RFTN1: variants seen among roughly 807,000 people sequenced by gnomAD.
RFTN1 encodes raftlin.
RFTN1 carries 26 observed loss-of-function variants against 46.5 expected under a neutral mutation model. The observed-to-expected ratio is 0.56, with a 90% CI of 0.41 to 0.78. The LOEUF (loss-of-function observed/expected upper bound fraction) is 0.78, where lower values mean the gene tolerates loss of function less well. Among genes scored for constraint, RFTN1 ranks in the 30% least tolerant of loss-of-function variants. The pLI is 0.00. For synonymous variants in RFTN1, 261 were observed against 284.2 expected (o/e 0.92, Z 0.82); for missense variants, 693 against 718.7 (o/e 0.96, Z 0.41).
chr3:16,317,843 A>G lies in RFTN1; in HGVS notation c.1333-611T>C, dbSNP rs988228472. 1.3e-5 allele frequency among the ~76,000 whole-genome samples: 2 copies of G among 152,196 alleles called. No individual in the cohort carries two copies. The highest frequency in any genetic ancestry group is 2.1e-4 in the South Asian group (1 of 4,832). ...GCAACCTACAACCAATGACTGCCCC[A>G]GGTGGGATACAACAACCCATTTCCT... On this transcript the variant is annotated intron_variant, in intron 9 of 9. Transcript: ENST00000334133. This position sits in a 1 kb window ranked among gnomAD's most constrained non-coding sequence, Gnocchi z 4.3.
chr3:16,419,284 A>T (rs879185314), intron 3 of RFTN1, among the ~76,000 whole-genome samples: 1 of 152,138 alleles, frequency 6.6e-6, no homozygotes, highest in Non-Finnish European at 1.5e-5. Context: ...GTGGGAAACA[A>T]AGTTACTGAG....
intron 6 of RFTN1, among the ~76,000 whole-genome samples, chr3:16,362,919 G>T (rs988369142): frequency 1.3e-5 from 2 of 152,110 alleles, no homozygotes; most frequent in African/African-American, 4.8e-5. Context: ...TCACAGGCCT[G>T]GGAAGGGGGC....
chr3:16,453,022 G>A (rs2075846086), intron 2 of RFTN1, among the ~76,000 whole-genome samples: 1 of 152,136 alleles, frequency 6.6e-6, no homozygotes, highest in African/African-American at 2.4e-5. Flanking sequence ...ACCTTCCATT[G>A]GACATATATT....
intron 4 of RFTN1, among the ~76,000 whole-genome samples, chr3:16,386,167 C>T (rs1405690754): frequency 1.3e-5 from 2 of 151,634 alleles, no homozygotes; most frequent in Admixed American, 6.6e-5. Context: ...ACCTTACCCA[C>T]AGGTAAAATC....
intron 2 of RFTN1, among the ~76,000 whole-genome samples, chr3:16,455,208 G>A (rs1259641660): frequency 6.6e-6 from 1 of 152,228 alleles, no homozygotes; most frequent in Non-Finnish European, 1.5e-5. Context: ...TTTAGGTGGC[G>A]TGTGTTTGTG....
In RFTN1 at chr3:16,407,359, C is replaced by CTT. The variant is rs35520854; in HGVS notation, c.441+2014_441+2015dup. On this transcript the variant is annotated intron_variant, in intron 4 of 9. Coordinates refer to ENST00000334133, the MANE Select transcript of RFTN1 (RefSeq NM_015150.2). The surrounding 1 kb of genome is among the most constrained non-coding windows in gnomAD (Gnocchi z 4.0). Reference sequence around the variant, plus strand: ...CACCATGCTCGGCTTTTTAAAGAGACTTTTTTTTTTTTGGCAGAGATGGAG... The same window carrying CTT: ...CACCATGCTCGGCTTTTTAAAGAGACTTTTTTTTTTTTTTGGCAGAGATGGAG... Among the ~76,000 whole-genome samples, 194 of 145,232 alleles carry CTT rather than the reference C, an allele frequency of 1.3e-3. No homozygotes were observed. The highest frequency in any genetic ancestry group is 3.5e-3 in the Middle Eastern group (1 of 284).
chr3:16,356,198 C>T lies in RFTN1; in HGVS notation c.1146+1734G>A, dbSNP rs2072424533. The stretch of plus-strand genomic sequence containing the variant: ...AGAGGTGACAGGACCTGCCCACACT[C>T]GCTTGGCATCTTGGACTGAGCTTTA... On this transcript the variant is annotated intron_variant, in intron 7 of 9. Transcript: ENST00000334133. The surrounding 1 kb of genome is among the most constrained non-coding windows in gnomAD (Gnocchi z 4.9). 1.3e-5 allele frequency among the ~76,000 whole-genome samples: 2 copies of T among 152,206 alleles called. No individual in the cohort carries two copies. The highest frequency in any genetic ancestry group is 2.1e-4 in the South Asian group (1 of 4,832).
chr3:16,507,802 C>T lies in RFTN1; in HGVS notation c.-9+5640G>A, dbSNP rs76366598. Among the ~76,000 whole-genome samples the T allele has an allele frequency of 0.051, 7,613 of 147,886 alleles. 383 individuals are homozygous for T. Among genetic ancestry groups the T allele is most frequent in the East Asian group, 0.24 (1,218 of 5,004 alleles). On this transcript the variant is annotated intron_variant, in intron 1 of 9. Coordinates refer to ENST00000334133, the MANE Select transcript of RFTN1 (RefSeq NM_015150.2). The surrounding 1 kb of genome is among the most constrained non-coding windows in gnomAD (Gnocchi z 7.1). ...ACACTCACATACACACAAACACACA[C>T]AAACGCACATACATACATACATACA...
rs1312306031 is a variant in RFTN1 at position 16,317,190 on chromosome 3, T to C, written c.1375A>G (p.Met459Val). Reference protein sequence around the residue: ...FSREEMHNRQMRKSKGKLSAR... With the variant: ...FSREEMHNRQVRKSKGKLSAR... Reference sequence around the variant, plus strand: ...CTGAGTTTACCTTTTGATTTCCTCATCTGCCTGTTGTGCATTTCTTCTCTG... The same window carrying C: ...CTGAGTTTACCTTTTGATTTCCTCACCTGCCTGTTGTGCATTTCTTCTCTG... Residue 459 changes from methionine to valine, a missense_variant, in exon 10 of 10, where the codon ATG becomes GTG. Transcript: ENST00000334133. The surrounding 1 kb of genome is among the most constrained non-coding windows in gnomAD (Gnocchi z 4.3). 4 of 1,613,378 alleles carry C rather than the reference T, an allele frequency of 2.5e-6. No homozygotes were observed. The African/African-American group carries it at 4.0e-5, about 16-fold the overall frequency.
chr3:16,377,963 C>A lies in RFTN1; in HGVS notation c.581G>T (p.Arg194Leu). The A allele has an allele frequency of 6.2e-7, 1 of 1,614,228 alleles. No individual in the cohort carries two copies. Among genetic ancestry groups the A allele is most frequent in the Non-Finnish European group, 8.5e-7 (1 of 1,180,042 alleles). ...TEDARDAKNARGDHASLENEK... is the reference protein window; with the variant it reads ...TEDARDAKNALGDHASLENEK... The stretch of plus-strand genomic sequence containing the variant: ...ATTCTCCAGTGACGCGTGATCCCCA[C>A]GTGCGTTTTTTGCATCTCTGGCATC... The change falls in exon 5 of 10, where the codon CGT becomes CTT. Residue 194 changes from arginine (R) to leucine (L), a missense_variant. Transcript: ENST00000334133.
rs116272570 is a variant in RFTN1, at chr3:16,387,007, G to T, written c.442-8905C>A. ...TGACAGGCATGAACTGGGATTGTCT[G>T]AACAAGCTGGGACATATGGTCACCT... On this transcript the variant is annotated intron_variant, in intron 4 of 9. Coordinates refer to ENST00000334133, the MANE Select transcript of RFTN1 (RefSeq NM_015150.2). The surrounding 1 kb of genome is among the most constrained non-coding windows in gnomAD (Gnocchi z 5.2). Among the ~76,000 whole-genome samples, 237 of 152,330 alleles carry T rather than the reference G, an allele frequency of 1.6e-3. No homozygotes were observed. Among genetic ancestry groups the T allele is most frequent in the African/African-American group, 5.5e-3 (230 of 41,568 alleles).
chr3:16,403,745 ATAT>A lies in RFTN1; in HGVS notation c.441+5627_441+5629del, dbSNP rs1575230718. Among the ~76,000 whole-genome samples the A allele has an allele frequency of 7.9e-5, 3 of 38,052 alleles. No homozygotes were observed. In the East Asian group the frequency reaches 3.8e-3, roughly 48 times the overall value. The allele number at this position is 38,052 out of a possible 152,430, so 25.0% of individuals were successfully genotyped here. ...ATATATATTATATATATTATATTATATATTATATATAAAATATATAATATATAA... is the reference window on the plus strand; with the variant it reads ...ATATATATTATATATATTATATTATATATATATAAAATATATAATATATAA... On this transcript the variant is annotated intron_variant, in intron 4 of 9. Coordinates refer to ENST00000334133, the MANE Select transcript of RFTN1 (RefSeq NM_015150.2).
chr3:16,324,378 G>A (rs1474864378), intron 8 of RFTN1, among the ~76,000 whole-genome samples: 1 of 152,112 alleles, frequency 6.6e-6, no homozygotes, highest in Non-Finnish European at 1.5e-5. Context: ...AGATGACCAA[G>A]GCTTATTCCT....
chr3:16,415,513 T>C (rs2075062131), intron 3 of RFTN1, among the ~76,000 whole-genome samples: 2 of 151,238 alleles, frequency 1.3e-5, no homozygotes, highest in South Asian at 4.2e-4. Flanking sequence ...CAGCTGGAGA[T>C]ATAAATTTAG....
At chr3:16,395,053 C>T (rs558990622) in intron 4 of RFTN1, among the ~76,000 whole-genome samples, 1 of 152,184 alleles carries the variant, frequency 6.6e-6, no homozygotes, top group African/African-American at 2.4e-5. Context: ...GATTTAAACA[C>T]AGGGGAAAAG....
chr3:16,491,182 A>T (rs2076533607), intron 2 of RFTN1, among the ~76,000 whole-genome samples: 1 of 152,214 alleles, frequency 6.6e-6, no homozygotes, highest in Non-Finnish European at 1.5e-5. Context: ...GAGGTGGTCA[A>T]GGAAAGTTTC....
intron 7 of RFTN1, among the ~76,000 whole-genome samples, chr3:16,333,998 T>C (rs1045053883): frequency 1.3e-5 from 2 of 152,066 alleles, no homozygotes; most frequent in Non-Finnish European, 2.9e-5. Flanking sequence ...ACCCCGTCTC[T>C]ACTAAAAATT....
At position 16,335,970 on chromosome 3, in the gene RFTN1, G is replaced by A. The variant is rs968908958; in HGVS notation, c.1147-9094C>T. 3.3e-5 allele frequency among the ~76,000 whole-genome samples: 5 copies of A among 152,154 alleles called. No homozygotes were observed. The highest frequency in any genetic ancestry group is 1.3e-4 in the Admixed American group (2 of 15,280). ...TGCAGAGGAGGCAGAGCATGCTGGC[G>A]CCTTCTCAGGGCTGCCTGGGCCCTG... is the stretch of plus-strand genomic sequence containing the variant. On this transcript the variant is annotated intron_variant, in intron 7 of 9. Coordinates refer to ENST00000334133, the MANE Select transcript of RFTN1 (RefSeq NM_015150.2). This position sits in a 1 kb window ranked among gnomAD's most constrained non-coding sequence, Gnocchi z 4.7.
In RFTN1 at chr3:16,473,413, T is replaced by A. The variant is rs1391224764; in HGVS notation, c.145+20312A>T. ...TTTCTTTCTTTTTTCTTTTTTTTTTTTTCCTGAGATAGAGTCTGGCTCTGT... is the reference window on the plus strand; with the variant it reads ...TTTCTTTCTTTTTTCTTTTTTTTTTATTCCTGAGATAGAGTCTGGCTCTGT... On this transcript the variant is annotated intron_variant, in intron 2 of 9. Transcript: ENST00000334133. The surrounding 1 kb of genome is among the most constrained non-coding windows in gnomAD (Gnocchi z 5.3). 2.6e-5 allele frequency among the ~76,000 whole-genome samples: 4 copies of A among 151,912 alleles called. No individual in the cohort carries two copies. The highest frequency in any genetic ancestry group is 5.9e-5 in the Non-Finnish European group (4 of 67,952).
Sources: gnomAD v4.1 joint callset for allele counts (sites outside exome capture counted in the v4.1 genomes callset) on GRCh38, gnomAD v4.1.1 for gene constraint, Gnocchi (gnomAD v3.1) non-coding constraint, MANE v1.5 for transcripts, NCBI Gene and HGNC (gene_info 2026-07-23, HGNC 2026-07-21) for gene names.